The following MOCOS variants were observed in gnomAD, a reference collection of about 807,000 sequenced individuals.
The protein encoded by MOCOS is human molybdenum cofactor sulfurase.
In MOCOS, 86 loss-of-function variants were observed where a neutral mutation model predicts 83.6. The ratio of observed to expected loss-of-function variants is 1.03; its 90% CI spans 0.86 to 1.23. The LOEUF is 1.23. MOCOS is among the 50% of genes most tolerant of loss of function. MOCOS has a pLI of 0.00. For synonymous variants in MOCOS, 445 were observed against 434.7 expected (o/e 1.02, Z -0.29); for missense variants, 1,120 against 1,126.9 (o/e 0.99, Z 0.09).
chr18:36,230,980 A>C (rs2091535527), intron 9 of MOCOS, among the ~76,000 whole-genome samples: 1 of 152,050 alleles, frequency 6.6e-6, no homozygotes, highest in African/African-American at 2.4e-5. Context: ...TATAATGAGG[A>C]ATGGAGCACT....
intron 1 of MOCOS, among the ~76,000 whole-genome samples, chr18:36,192,752 A>T (rs911132720): frequency 6.6e-6 from 1 of 152,078 alleles, no homozygotes; most frequent in Non-Finnish European, 1.5e-5. Flanking sequence ...GGCTCAAGTG[A>T]TTATCCTGCC....
chr18:36,217,256 G>A (rs1036348800), intron 8 of MOCOS, among the ~76,000 whole-genome samples: 12 of 152,096 alleles, frequency 7.9e-5, no homozygotes, highest in Non-Finnish European at 8.8e-5. Context: ...ACATTATTTT[G>A]CAACTTATTC....
At chr18:36,216,814 C>T (rs533756042) in intron 8 of MOCOS, among the ~76,000 whole-genome samples, 3 of 152,256 alleles carry the variant, frequency 2.0e-5, no homozygotes. Context: ...ACCTAATAGA[C>T]CCCATGTTAA....
At chr18:36,189,285 T>C (rs1259284823) in intron 1 of MOCOS, among the ~76,000 whole-genome samples, 1 of 152,182 alleles carries the variant, frequency 6.6e-6, no homozygotes, top group Non-Finnish European at 1.5e-5. Context: ...TACCACTTAC[T>C]GTATGTCTGG....
At chr18:36,235,981 T>G (rs574978499) in intron 9 of MOCOS, among the ~76,000 whole-genome samples, 3 of 150,988 alleles carry the variant, frequency 2.0e-5, no homozygotes, top group Admixed American at 1.3e-4. Flanking sequence ...TGGGGTTGTT[T>G]GTTTTTTTCT....
In MOCOS at chr18:36,221,602, G is replaced by GTGTTC. The variant is rs10618481; in HGVS notation, c.1960+1431_1960+1435dup. 7.1e-3 allele frequency among the ~76,000 whole-genome samples: 1,077 copies of GTGTTC among 150,768 alleles called. 15 individuals are homozygous for GTGTTC. The highest frequency in any genetic ancestry group is 0.024 in the African/African-American group (1,001 of 40,920). ...TCACGATTGTGTTTCTTGGCTGTAA[G>GTGTTC]TGTTCTGTTCTGTTCTGTTCTGTTC... is the stretch of plus-strand genomic sequence containing the variant. On this transcript the variant is annotated intron_variant, in intron 9 of 14. Coordinates refer to ENST00000261326, the MANE Select transcript of MOCOS (RefSeq NM_017947.4).
intron 9 of MOCOS, among the ~76,000 whole-genome samples, chr18:36,226,098 C>T (rs2091514290): frequency 6.6e-6 from 1 of 152,046 alleles, no homozygotes; most frequent in Non-Finnish European, 1.5e-5. Flanking sequence ...CTCCCTTGAT[C>T]TTCAGTTTGC....
At chr18:36,247,680 T>TC (rs1220661748) in intron 9 of MOCOS, among the ~76,000 whole-genome samples, 1 of 152,112 alleles carries the variant, frequency 6.6e-6, no homozygotes, top group Non-Finnish European at 1.5e-5. Context: ...ATTTTCAGGT[T>TC]CCCCAATGGG....
chr18:36,256,080 T>A (rs558787869), intron 11 of MOCOS, among the ~76,000 whole-genome samples: 11 of 152,062 alleles, frequency 7.2e-5, no homozygotes, highest in Admixed American at 1.3e-4. Context: ...TTACTAGAGA[T>A]GGGGTTTCTC....
At chr18:36,253,845 A>G (rs989067463) in intron 11 of MOCOS, among the ~76,000 whole-genome samples, 1 of 152,094 alleles carries the variant, frequency 6.6e-6, no homozygotes, top group African/African-American at 2.4e-5. Context: ...CTGAGGAGTC[A>G]GTAGTCCTTT....
chr18:36,204,847 G>T (rs1463982262), intron 5 of MOCOS, among the ~76,000 whole-genome samples: 3 of 151,776 alleles, frequency 2.0e-5, no homozygotes, highest in Non-Finnish European at 4.4e-5. Flanking sequence ...ACAAAAATTA[G>T]TCAGGCATGG....
At chr18:36,267,826 A>C (rs990661842) in intron 14 of MOCOS, among the ~76,000 whole-genome samples, 10 of 152,176 alleles carry the variant, frequency 6.6e-5, no homozygotes, top group Non-Finnish European at 1.3e-4. Flanking sequence ...TTTATTTTTA[A>C]ATTTTGGAAT....
intron 9 of MOCOS, among the ~76,000 whole-genome samples, chr18:36,231,163 C>T (rs1470430745): frequency 1.3e-5 from 2 of 151,954 alleles, no homozygotes; most frequent in Non-Finnish European, 2.9e-5. Context: ...TTACTGAACG[C>T]TTTTTCTGTA....
chr18:36,240,324 C>A (rs2091576279), intron 9 of MOCOS, among the ~76,000 whole-genome samples: 1 of 131,550 alleles, frequency 7.6e-6, no homozygotes, highest in Non-Finnish European at 1.6e-5. Flanking sequence ...GTGTGGATGT[C>A]CTTTCTGTTT....
chr18:36,223,983 C>T (rs2144925645), intron 9 of MOCOS, among the ~76,000 whole-genome samples: 1 of 152,276 alleles, frequency 6.6e-6, no homozygotes, highest in African/African-American at 2.4e-5. Flanking sequence ...AGGCATGTGC[C>T]ACCATGCCTG....
chr18:36,220,037 G>A lies in MOCOS; in HGVS notation c.1798-18G>A, dbSNP rs367823208. ...TTTGGGGAGCCCTGGCCTGAGACAC[G>A]TCTACCTTTTTGTTTAGGTGACCAG... On this transcript the variant is annotated intron_variant, in intron 8 of 14. Coordinates refer to ENST00000261326, the MANE Select transcript of MOCOS (RefSeq NM_017947.4). The A allele has an allele frequency of 3.2e-5, 51 of 1,612,194 alleles. No homozygotes were observed. The highest frequency in any genetic ancestry group is 1.6e-4 in the African/African-American group (12 of 74,860).
At chr18:36,201,422 G>T (rs2091414167) in intron 4 of MOCOS, among the ~76,000 whole-genome samples, 2 of 152,212 alleles carry the variant, frequency 1.3e-5, no homozygotes, top group African/African-American at 2.4e-5. Context: ...CCAGCACTTT[G>T]GGAGGCCAAG....
At chr18:36,262,219 C>G (rs1257164729) in intron 13 of MOCOS, among the ~76,000 whole-genome samples, 15 of 129,748 alleles carry the variant, frequency 1.2e-4, no homozygotes, top group Admixed American at 1.5e-4. Flanking sequence ...TTTCACCAGC[C>G]TGGGCAGCAT....
intron 7 of MOCOS, among the ~76,000 whole-genome samples, chr18:36,214,480 C>T (rs2091468251): frequency 1.3e-5 from 2 of 151,998 alleles, no homozygotes; most frequent in Admixed American, 6.6e-5. Flanking sequence ...TCTTCTAGGG[C>T]TCCAGGGATT....
Sources: allele counts gnomAD v4.1 joint callset (sites outside exome capture counted in the v4.1 genomes callset), GRCh38; gene constraint gnomAD v4.1.1; transcripts MANE v1.5; gene names NCBI Gene and HGNC (gene_info 2026-07-23, HGNC 2026-07-21).